Variants in WTAP observed in about 807,000 individuals in gnomAD.
The protein encoded by WTAP is pre-mRNA-splicing regulator WTAP.
WTAP carries 8 observed loss-of-function variants against 50.0 expected under a neutral mutation model. The observed-to-expected ratio is 0.16, with a 90% confidence interval of 0.09 to 0.29. WTAP has a LOEUF of 0.29. Ranked by LOEUF, WTAP falls within the 10% of genes least tolerant of loss-of-function variation. The pLI, the probability that WTAP is intolerant of heterozygous loss-of-function variation, is 1.00. For missense variants in WTAP, 295 were observed against 470.7 expected (o/e 0.63, Z 3.45); for synonymous variants, 194 against 169.0 (o/e 1.15, Z -1.15).
rs1478539327 is a variant in WTAP at position 159,727,679 on chromosome 6, G to C, written c.-33G>C. ...GGCCTCGGCCTATGCGACCGGTGGC[G>C]CCGGCGCGGCTTCTGCCTGGAGAGG... On this transcript the variant is annotated 5_prime_UTR_variant, in exon 1 of 8. Transcript: ENST00000621533. The C allele has an allele frequency of 3.0e-6, 3 of 984,638 alleles. No homozygotes were observed. The highest frequency in any genetic ancestry group is 1.8e-5 in the African/African-American group (1 of 56,890). The allele number at this position is 984,638 out of a possible 1,614,324, so 61.0% of individuals were successfully genotyped here. A position where few individuals can be genotyped will look rare whatever the true frequency, so the allele number is the denominator to read the frequency against.
Position 159,755,967 on chromosome 6 carries a change from CTG to C in WTAP, c.*359_*360del, listed in dbSNP as rs1779999822. On this transcript the variant is annotated 3_prime_UTR_variant, in exon 8 of 8. Coordinates refer to ENST00000621533, the MANE Select transcript of WTAP (RefSeq NM_001270531.2). ...CTGTATAAATCTGTCTGTTTAGAAT[CTG>C]TGCTGTGTAAGGGCATTCGTACTCA... 3 of 203,404 alleles carry C rather than the reference CTG, an allele frequency of 1.5e-5. No individual in the cohort carries two copies. The highest frequency in any genetic ancestry group is 2.0e-5 in the Non-Finnish European group (2 of 101,764). 12.6% of individuals were successfully genotyped at this position (203,404 alleles called of 1,614,324 possible). A position where few individuals can be genotyped will look rare whatever the true frequency, so the allele number is the denominator to read the frequency against.
Position 159,748,725 on chromosome 6 carries a change from C to T in WTAP, c.452+356C>T. On this transcript the variant is annotated intron_variant, in intron 6 of 7. Transcript: ENST00000621533. This position sits in a 1 kb window ranked among gnomAD's most constrained non-coding sequence, Gnocchi z 5.6. ...AAACAGAAGTCTTAAGTCTGTGGCA[C>T]ACTGTGTCTTCAGACAGTTTGAAGG... The T allele has an allele frequency of 1.6e-6, 2 of 1,245,574 alleles. No individual in the cohort carries two copies. The highest frequency in any genetic ancestry group is 2.0e-6 in the Non-Finnish European group (2 of 995,742). The allele number at this position is 1,245,574 out of a possible 1,614,324, so 77.2% of individuals were successfully genotyped here.
rs753532036 is a variant in WTAP at position 159,739,060 on chromosome 6, G to A, written c.86+15G>A. ...TTAATTCTAAGGTAAAATGTTCTCT[G>A]TTCAAAAACAAAGTCTTTCTATAGA... On this transcript the variant is annotated intron_variant, in intron 3 of 7. Coordinates refer to ENST00000621533, the MANE Select transcript of WTAP (RefSeq NM_001270531.2). The A allele has an allele frequency of 6.2e-7, 1 of 1,603,016 alleles. No individual in the cohort carries two copies. The highest frequency in any genetic ancestry group is 1.1e-5 in the South Asian group (1 of 90,282).
chr6:159,751,505 T>C (rs1017095307), intron 6 of WTAP, among the ~76,000 whole-genome samples: 4 of 152,216 alleles, frequency 2.6e-5, no homozygotes, highest in African/African-American at 9.7e-5. Context: ...CATTTTCCCA[T>C]TGTTTAATTT....
intron 7 of WTAP, among the ~76,000 whole-genome samples, chr6:159,754,115 T>C (rs1779919164): frequency 6.6e-6 from 1 of 152,234 alleles, no homozygotes; most frequent in Non-Finnish European, 1.5e-5. Flanking sequence ...AGTGTAGCTG[T>C]ATCTCTGTTT....
chr6:159,726,890 CG>C, upstream of WTAP: 7 of 1,289,180 alleles, frequency 5.4e-6, no homozygotes, highest in Non-Finnish European at 7.1e-6. Flanking sequence ...CGCGGCTCGC[CG>C]CCCACGGCCT....
At position 159,753,641 on chromosome 6, in the gene WTAP, G is replaced by A. The variant is rs372018834; in HGVS notation, c.607+27G>A. ...TAAGGGGTTTGTTTCTTTTTGGAAC[G>A]TTGTCTCAACTTTGCATTGGCTTTT... On this transcript the variant is annotated intron_variant, in intron 7 of 7. Coordinates refer to ENST00000621533, the MANE Select transcript of WTAP (RefSeq NM_001270531.2). The A allele has an allele frequency of 1.1e-5, 17 of 1,582,986 alleles. No individual in the cohort carries two copies. In the African/African-American group the frequency reaches 1.4e-4, roughly 13 times the overall value.
chr6:159,727,721 G>GGCGGGA lies in WTAP; in HGVS notation c.-9+23_-9+28dup. Reference sequence around the variant, plus strand: ...CTGGAGAGGTAGGCGCGGGCCGGCTGGCGGGAGCGGACGCGGGGGACCTCC... The same window carrying GGCGGGA: ...CTGGAGAGGTAGGCGCGGGCCGGCTGGCGGGAGCGGGAGCGGACGCGGGGGACCTCC... On this transcript the variant is annotated intron_variant, in intron 1 of 7. Coordinates refer to ENST00000621533, the MANE Select transcript of WTAP (RefSeq NM_001270531.2). 1 of 985,548 alleles carries GGCGGGA rather than the reference G, an allele frequency of 1.0e-6. No homozygotes were observed. The highest frequency in any genetic ancestry group is 1.1e-4 in the East Asian group (1 of 8,790). 61.1% of individuals were successfully genotyped at this position (985,548 alleles called of 1,614,324 possible).
At chr6:159,734,007 A>G (rs1029645813) in intron 1 of WTAP, among the ~76,000 whole-genome samples, 7 of 152,226 alleles carry the variant, frequency 4.6e-5, no homozygotes, top group East Asian at 1.9e-4. Context: ...CTTCAACACA[A>G]TTTACTTAAT....
At chr6:159,733,584 T>C (rs1033059482) in intron 1 of WTAP, among the ~76,000 whole-genome samples, 10 of 149,884 alleles carry the variant, frequency 6.7e-5, no homozygotes, top group Non-Finnish European at 1.2e-4. Context: ...ATCGCACCAC[T>C]GCACTGTGGT....
intron 5 of WTAP, among the ~76,000 whole-genome samples, 191 bp downstream of exon 5, chr6:159,743,983 A>C (rs1779413076): frequency 6.6e-6 from 1 of 152,118 alleles, no homozygotes; most frequent in South Asian, 2.1e-4. Context: ...TTTTGTGGCC[A>C]AGAAGGCAAA....
chr6:159,731,258 C>G (rs1376689828), intron 1 of WTAP, among the ~76,000 whole-genome samples: 1 of 151,222 alleles, frequency 6.6e-6, no homozygotes, highest in Non-Finnish European at 1.5e-5. Flanking sequence ...CCCAGGAGTT[C>G]AAGACCAGCC....
intron 3 of WTAP, among the ~76,000 whole-genome samples, chr6:159,740,797 G>A (rs919548295): frequency 1.9e-4 from 29 of 150,812 alleles, no homozygotes; most frequent in African/African-American, 5.6e-4. Context: ...GCCGCCTCCC[G>A]GTCAAGCGGT....
At position 159,748,702 on chromosome 6, in the gene WTAP, A is replaced by G; in HGVS notation, c.452+333A>G. ...CTGTTTGAAGAAAATAGAGGGAGAAACAGAAGTCTTAAGTCTGTGGCACAC... is the reference window on the plus strand; with the variant it reads ...CTGTTTGAAGAAAATAGAGGGAGAAGCAGAAGTCTTAAGTCTGTGGCACAC... On this transcript the variant is annotated intron_variant, in intron 6 of 7. Coordinates refer to ENST00000621533, the MANE Select transcript of WTAP (RefSeq NM_001270531.2). The surrounding 1 kb of genome is among the most constrained non-coding windows in gnomAD (Gnocchi z 5.6). 8.0e-7 allele frequency: 1 copy of G among 1,252,072 alleles called. No individual in the cohort carries two copies. Among genetic ancestry groups the G allele is most frequent in the Non-Finnish European group, 1.0e-6 (1 of 999,568 alleles). 77.6% of individuals were successfully genotyped at this position (1,252,072 alleles called of 1,614,324 possible).
At position 159,755,431 on chromosome 6, in the gene WTAP, A is replaced by T; in HGVS notation, c.1011A>T (p.Glu337Asp). 6.2e-7 allele frequency: 1 copy of T among 1,614,176 alleles called. No homozygotes were observed. Among genetic ancestry groups the T allele is most frequent in the Non-Finnish European group, 8.5e-7 (1 of 1,180,030 alleles). Reference sequence around the variant, plus strand: ...TAAATCAACTCAGTGCGGGGTATGAAAGTGTAGACTCTCCCACGGGCAGTG... The same window carrying T: ...TAAATCAACTCAGTGCGGGGTATGATAGTGTAGACTCTCCCACGGGCAGTG... ...GYVNQLSAGY[E>D]SVDSPTGSEN... The change falls in exon 8 of 8, where the codon GAA becomes GAT. Residue 337 changes from glutamate to aspartate, a missense_variant. Transcript: ENST00000621533.
At chr6:159,727,447 G>T, upstream of WTAP, 1 of 1,093,434 alleles carries the variant, frequency 9.1e-7, no homozygotes, top group South Asian at 2.0e-5. Context: ...GCTGTGGGGC[G>T]GGGCAGGGCG....
intron 6 of WTAP, among the ~76,000 whole-genome samples, chr6:159,750,711 G>A (rs950132470): frequency 5.3e-5 from 8 of 151,950 alleles, no homozygotes; most frequent in Middle Eastern, 3.4e-3. Context: ...GTATATTTCC[G>A]TTATATTAAG....
At chr6:159,741,162 A>G (rs745886135) in intron 3 of WTAP, among the ~76,000 whole-genome samples, 7 of 152,154 alleles carry the variant, frequency 4.6e-5, no homozygotes, top group Non-Finnish European at 2.9e-5. Flanking sequence ...TCCATTAGGA[A>G]CTGCCTAATA....
intron 1 of WTAP, among the ~76,000 whole-genome samples, chr6:159,728,506 T>C (rs1350739495): frequency 6.6e-6 from 1 of 152,254 alleles, no homozygotes; most frequent in Non-Finnish European, 1.5e-5. Context: ...TTTGTGCCTA[T>C]TTTATCTAGT....
Sources: allele counts gnomAD v4.1 joint callset (sites outside exome capture counted in the v4.1 genomes callset), GRCh38; gene constraint gnomAD v4.1.1; non-coding constraint Gnocchi (gnomAD v3.1); transcripts MANE v1.5; gene names NCBI Gene and HGNC (gene_info 2026-07-23, HGNC 2026-07-21).